The following OCA2 variants were observed in gnomAD, a reference collection of about 807,000 sequenced individuals.
OCA2 encodes the protein P protein.
OCA2 carries 77 observed loss-of-function variants against 100.2 expected under a neutral mutation model. The observed-to-expected ratio is 0.77, with a 90% confidence interval of 0.64 to 0.93. OCA2 has a LOEUF of 0.93. Among genes scored for constraint, OCA2 ranks in the 40% least tolerant of loss-of-function variants. The pLI is 0.00. For synonymous variants in OCA2, 432 were observed against 439.2 expected (o/e 0.98, Z 0.21); for missense variants, 1,062 against 1,089.1 (o/e 0.98, Z 0.35).
At chr15:27,836,842 AT>A (rs1196475339) in intron 23 of OCA2, among the ~76,000 whole-genome samples, 1 of 152,096 alleles carries the variant, frequency 6.6e-6, no homozygotes, top group Admixed American at 6.5e-5. Context: ...TTCTCTAGAT[AT>A]TTTTTTCACT....
chr15:27,869,621 T>C (rs543780325), intron 21 of OCA2, among the ~76,000 whole-genome samples: 53 of 152,150 alleles, frequency 3.5e-4, no homozygotes, highest in Non-Finnish European at 6.3e-4. Context: ...CCAGAAAGGA[T>C]CTGGGTGCAA....
chr15:27,902,787 A>G (rs1177265911), intron 19 of OCA2, among the ~76,000 whole-genome samples: 1 of 152,206 alleles, frequency 6.6e-6, no homozygotes, highest in Non-Finnish European at 1.5e-5. Context: ...ATACGCGGAA[A>G]CACTACGTGC....
intron 14 of OCA2, among the ~76,000 whole-genome samples, chr15:27,972,930 A>G (rs913178743): frequency 2.1e-4 from 32 of 150,976 alleles, no homozygotes; most frequent in Admixed American, 1.3e-3. Flanking sequence ...CAGTGGTGCA[A>G]TCTCGGCTCA....
the OCA2 span, among the ~76,000 whole-genome samples, chr15:27,723,912 C>T: frequency 1.3e-5 from 2 of 152,178 alleles, no homozygotes; most frequent in Non-Finnish European, 2.9e-5. Context: ...CTTCTGCGTG[C>T]ACAACCTCCT....
the OCA2 span, among the ~76,000 whole-genome samples, chr15:27,722,814 T>TCTCTCTC: frequency 7.4e-6 from 1 of 134,734 alleles, no homozygotes; most frequent in African/African-American, 2.9e-5. Context: ...CTCTCTCTCT[T>TCTCTCTC]TCTCTCTCTC....
intron 21 of OCA2, among the ~76,000 whole-genome samples, chr15:27,862,209 G>C (rs886173628): frequency 8.6e-6 from 1 of 116,880 alleles, no homozygotes; most frequent in Non-Finnish European, 1.6e-5. Context: ...CGTCAGCCTC[G>C]AGTCCTCACG....
chr15:27,800,232 A>G (rs555677212), intron 23 of OCA2, among the ~76,000 whole-genome samples: 11 of 152,358 alleles, frequency 7.2e-5, no homozygotes, highest in African/African-American at 2.4e-4. Flanking sequence ...AATCAGTAAC[A>G]CTAAACATCT....
intron 18 of OCA2, among the ~76,000 whole-genome samples, chr15:27,933,364 G>A (rs1052799453): frequency 9.1e-5 from 12 of 131,420 alleles, no homozygotes; most frequent in Middle Eastern, 3.8e-3. Context: ...AGATTACCAG[G>A]GGTGGGCAGG....
At chr15:27,764,933 G>A (rs150765316) in intron 23 of OCA2, among the ~76,000 whole-genome samples, 2 of 152,320 alleles carry the variant, frequency 1.3e-5, no homozygotes, top group East Asian at 1.9e-4. Flanking sequence ...AAGGATACGT[G>A]TAGCTATTTC....
the OCA2 span, among the ~76,000 whole-genome samples, chr15:27,744,927 G>C: frequency 1.5e-5 from 2 of 131,832 alleles, no homozygotes; most frequent in African/African-American, 5.2e-5. Context: ...GATTCTGACA[G>C]AGCAGACCCT....
At chr15:27,986,287 G>A (rs2041349400) in intron 12 of OCA2, among the ~76,000 whole-genome samples, 1 of 152,204 alleles carries the variant, frequency 6.6e-6, no homozygotes, top group African/African-American at 2.4e-5. Context: ...ACTCTAATAT[G>A]TAAAACAATT....
At chr15:27,991,290 A>G (rs1353516290) in intron 9 of OCA2, among the ~76,000 whole-genome samples, 1 of 152,216 alleles carries the variant, frequency 6.6e-6, no homozygotes, top group Non-Finnish European at 1.5e-5. Context: ...TCTACTAGGA[A>G]TCCACCCAAA....
chr15:27,764,923 A>G lies in OCA2; in HGVS notation c.2433-9451T>C, dbSNP rs142889797. 9.4e-3 allele frequency among the ~76,000 whole-genome samples: 1,438 copies of G among 152,356 alleles called. 39 individuals are homozygous for G. The highest frequency in any genetic ancestry group is 0.033 in the African/African-American group (1,386 of 41,580). On this transcript the variant is annotated intron_variant, in intron 23 of 23. Coordinates refer to ENST00000354638, the MANE Select transcript of OCA2 (RefSeq NM_000275.3). ...GAGCAGCAGCTTGGGCTGCTGGACTAAGGATACGTGTAGCTATTTCTTGAT... is the reference window on the plus strand; with the variant it reads ...GAGCAGCAGCTTGGGCTGCTGGACTGAGGATACGTGTAGCTATTTCTTGAT...
At chr15:27,771,330 G>A (rs925087029) in intron 23 of OCA2, among the ~76,000 whole-genome samples, 19 of 151,948 alleles carry the variant, frequency 1.3e-4, no homozygotes, top group African/African-American at 3.9e-4. Flanking sequence ...GAGAAAGGGC[G>A]GCGCTATAGA....
chr15:27,736,818 G>A, the OCA2 span, among the ~76,000 whole-genome samples: 2 of 152,072 alleles, frequency 1.3e-5, no homozygotes, highest in Admixed American at 1.3e-4. Context: ...ATGAATTTGG[G>A]CATGATATAG....
chr15:27,986,487 AAT>A (rs1435417258), intron 12 of OCA2, 98 bp downstream of exon 12: 3 of 868,172 alleles, frequency 3.5e-6, no homozygotes, highest in African/African-American at 3.4e-5. Context: ...GGAATTTTTC[AAT>A]GTTTGTTTTA....
Position 28,081,953 on chromosome 15 carries a change from C to T in OCA2, c.-21-58G>A. On this transcript the variant is annotated intron_variant, in intron 1 of 23. Transcript: ENST00000354638. The stretch of plus-strand genomic sequence containing the variant: ...AAAGGCACACTGAGACTAACGTTTG[C>T]ACCTTGGGAGTCCGTACAATAGGAA... 2.2e-6 allele frequency: 3 copies of T among 1,388,596 alleles called. No homozygotes were observed. In the South Asian group the frequency reaches 3.7e-5, roughly 17 times the overall value. The allele number at this position is 1,388,596 out of a possible 1,614,324, so 86.0% of individuals were successfully genotyped here. A position where few individuals can be genotyped will look rare whatever the true frequency, so the allele number is the denominator to read the frequency against.
At chr15:27,806,787 C>T (rs560844736) in intron 23 of OCA2, among the ~76,000 whole-genome samples, 10 of 152,344 alleles carry the variant, frequency 6.6e-5, no homozygotes, top group South Asian at 4.1e-4. Flanking sequence ...GCCCAGACTG[C>T]GGAGAGGACC....
At position 27,957,836 on chromosome 15, in the gene OCA2, C is replaced by A. The variant is rs2040280549; in HGVS notation, c.1637-101G>T. On this transcript the variant is annotated intron_variant, in intron 15 of 23. Coordinates refer to ENST00000354638, the MANE Select transcript of OCA2 (RefSeq NM_000275.3). This position sits in a 1 kb window ranked among gnomAD's most constrained non-coding sequence, Gnocchi z 4.3. ...CAGTCGATGCCTGACAGAGCAGACA[C>A]ACACTCGAGACGTGCAGGTAGCCCA... 1 of 1,423,984 alleles carries A rather than the reference C, an allele frequency of 7.0e-7. No homozygotes were observed. 88.2% of individuals were successfully genotyped at this position (1,423,984 alleles called of 1,614,324 possible). A position where few individuals can be genotyped will look rare whatever the true frequency, so the allele number is the denominator to read the frequency against.
Sources: gnomAD v4.1 joint callset for allele counts (sites outside exome capture counted in the v4.1 genomes callset) on GRCh38, gnomAD v4.1.1 for gene constraint, Gnocchi (gnomAD v3.1) non-coding constraint, MANE v1.5 for transcripts, NCBI Gene and HGNC (gene_info 2026-07-23, HGNC 2026-07-21) for gene names.